Variants in KIAA1549L observed in about 807,000 individuals in gnomAD.
KIAA1549L encodes the protein KIAA1549 like, also known as UPF0606 protein KIAA1549L.
In KIAA1549L, 88 loss-of-function variants were observed where a neutral mutation model predicts 160.7. The observed-to-expected ratio is 0.55, with a 90% CI of 0.46 to 0.65. The LOEUF (loss-of-function observed/expected upper bound fraction) is 0.65, where lower values mean the gene tolerates loss of function less well. KIAA1549L is among the 30% of genes least tolerant of loss of function. KIAA1549L has a pLI of 0.00. For missense variants in KIAA1549L, 2,258 were observed against 2,437.5 expected (o/e 0.93, Z 1.55); for synonymous variants, 950 against 976.7 (o/e 0.97, Z 0.51).
intron 2 of KIAA1549L, 92 bp downstream of exon 2, chr11:33,544,428 G>A: frequency 7.4e-7 from 1 of 1,357,044 alleles, no homozygotes; most frequent in Admixed American, 1.8e-5. Context: ...GCTCAACGCA[G>A]ATACCAGCTT....
At chr11:33,403,228 GACACAAACACACATATGCAGACACAC>G (rs1850540537) in intron 1 of KIAA1549L, 1 of 9,326 alleles carries the variant, frequency 1.1e-4, no homozygotes, top group East Asian at 3.8e-3. Context: ...TGCAGACACA[GACACAAACACACATATGCAGACACAC>G]ACACAGACAC....
At chr11:33,581,872 A>C (rs917068658) in intron 10 of KIAA1549L, among the ~76,000 whole-genome samples, 3 of 152,184 alleles carry the variant, frequency 2.0e-5, no homozygotes, top group Non-Finnish European at 2.9e-5. Flanking sequence ...GGGATTTTAC[A>C]TACTGCACCA....
At chr11:33,530,440 T>A (rs1238381819) in intron 1 of KIAA1549L, among the ~76,000 whole-genome samples, 118 of 4,184 alleles carry the variant, frequency 0.028, 2 homozygotes, top group Middle Eastern at 0.062. Flanking sequence ...AAAAAAAATA[T>A]ATATATATAT....
intron 1 of KIAA1549L, among the ~76,000 whole-genome samples, chr11:33,460,447 A>G (rs1851920919): frequency 6.6e-6 from 1 of 152,204 alleles, no homozygotes; most frequent in Non-Finnish European, 1.5e-5. Flanking sequence ...TGGGACCCAT[A>G]TGGGCGTGAG....
chr11:33,482,276 A>C (rs935099248), intron 1 of KIAA1549L, among the ~76,000 whole-genome samples: 5 of 151,904 alleles, frequency 3.3e-5, no homozygotes, highest in African/African-American at 1.2e-4. Flanking sequence ...TGAAATACTG[A>C]CACTTCTATT....
At chr11:33,458,525 A>G (rs1055743223) in intron 1 of KIAA1549L, among the ~76,000 whole-genome samples, 1 of 152,236 alleles carries the variant, frequency 6.6e-6, no homozygotes, top group South Asian at 2.1e-4. Context: ...GGGCAGGCTC[A>G]GCTTGGTGAG....
intron 1 of KIAA1549L, among the ~76,000 whole-genome samples, chr11:33,498,727 T>G (rs1172250618): frequency 1.3e-5 from 2 of 152,210 alleles, no homozygotes; most frequent in African/African-American, 4.8e-5. Context: ...TGAAGGAGAC[T>G]GCACATCTTG....
In KIAA1549L at chr11:33,518,186, T is replaced by G. The variant is rs182947173; in HGVS notation, c.239-23616T>G. ...AAAAAAGACATAGCAAAGGGAAAAT[T>G]TTTTTCTTGGGCAAGATTAATCTAT... On this transcript the variant is annotated intron_variant, in intron 1 of 20. Coordinates refer to ENST00000658780, the MANE Select transcript of KIAA1549L (RefSeq NM_012194.3). Among the ~76,000 whole-genome samples, 96 of 145,254 alleles carry G rather than the reference T, an allele frequency of 6.6e-4. 1 individual carries two copies. Among genetic ancestry groups the G allele is most frequent in the Non-Finnish European group, 4.5e-5 (3 of 66,268 alleles).
intron 1 of KIAA1549L, among the ~76,000 whole-genome samples, chr11:33,491,348 T>C (rs1399297026): frequency 1.3e-5 from 2 of 152,160 alleles, no homozygotes; most frequent in South Asian, 4.1e-4. Context: ...TACAGTATGA[T>C]GCAAGACCAA....
intron 9 of KIAA1549L, among the ~76,000 whole-genome samples, chr11:33,568,973 T>C (rs1590352301): frequency 6.6e-6 from 1 of 152,244 alleles, no homozygotes; most frequent in African/African-American, 2.4e-5. Context: ...TAGATCATTT[T>C]CAGAGCTTTC....
At chr11:33,604,037 T>C (rs952313190) in intron 13 of KIAA1549L, among the ~76,000 whole-genome samples, 1 of 152,178 alleles carries the variant, frequency 6.6e-6, no homozygotes, top group Non-Finnish European at 1.5e-5. Context: ...TGGTGGAATA[T>C]GTATTTTAGG....
intron 15 of KIAA1549L, among the ~76,000 whole-genome samples, chr11:33,613,671 C>G (rs577538515): frequency 2.0e-5 from 3 of 152,212 alleles, no homozygotes; most frequent in African/African-American, 4.8e-5. Flanking sequence ...CCACCAGGCC[C>G]CACCTCCAAC....
rs771631364 is a variant in KIAA1549L at position 33,552,098 on chromosome 11, C to T, written c.3722-10C>T. 4.3e-6 allele frequency: 7 copies of T among 1,613,446 alleles called. No homozygotes were observed. In the South Asian group the frequency reaches 5.5e-5, roughly 13 times the overall value. On this transcript the variant is annotated splice_polypyrimidine_tract_variant and intron_variant, in intron 5 of 20. Transcript: ENST00000658780. Reference sequence around the variant, plus strand: ...CTTTAGTGAGCACTGATTGACTTCTCTCATTCTAGTGCTGCAGTTTGTGAG... The same window carrying T: ...CTTTAGTGAGCACTGATTGACTTCTTTCATTCTAGTGCTGCAGTTTGTGAG...
chr11:33,403,848 A>G (rs974895612), intron 1 of KIAA1549L, among the ~76,000 whole-genome samples: 1 of 152,198 alleles, frequency 6.6e-6, no homozygotes, highest in Non-Finnish European at 1.5e-5. Flanking sequence ...AGAGAGCTAT[A>G]AATCCTTGAA....
chr11:33,645,532 T>C (rs1851693472), intron 16 of KIAA1549L, among the ~76,000 whole-genome samples, 154 bp from the exon 17 acceptor site: 1 of 152,056 alleles, frequency 6.6e-6, no homozygotes. Flanking sequence ...AGTACCCCAG[T>C]AGTGTGAATT....
intron 9 of KIAA1549L, among the ~76,000 whole-genome samples, chr11:33,571,366 AGT>A: frequency 6.6e-6 from 1 of 152,286 alleles, no homozygotes; most frequent in East Asian, 1.9e-4. Context: ...AAGACAAAAG[AGT>A]GAGGATAGTG....
At chr11:33,380,216 T>C (rs2134029837) in intron 1 of KIAA1549L, among the ~76,000 whole-genome samples, 1 of 152,330 alleles carries the variant, frequency 6.6e-6, no homozygotes, top group African/African-American at 2.4e-5. Context: ...TCCAACTTAT[T>C]AGTTCCTGAT....
intron 1 of KIAA1549L, among the ~76,000 whole-genome samples, chr11:33,505,479 T>C (rs572174007): frequency 1.3e-5 from 2 of 152,338 alleles, no homozygotes; most frequent in South Asian, 2.1e-4. Flanking sequence ...CCGTGCTTGA[T>C]TGACAGTGGA....
At chr11:33,566,903 C>T (rs1370114229) in intron 8 of KIAA1549L, among the ~76,000 whole-genome samples, 1 of 152,118 alleles carries the variant, frequency 6.6e-6, no homozygotes, top group Non-Finnish European at 1.5e-5. Flanking sequence ...AAGTTTTGGT[C>T]TCTTTAAGAA....
Sources: allele counts gnomAD v4.1 joint callset (sites outside exome capture counted in the v4.1 genomes callset), GRCh38; gene constraint gnomAD v4.1.1; transcripts MANE v1.5; gene names NCBI Gene and HGNC (gene_info 2026-07-23, HGNC 2026-07-21).